The following KRT82 variants were observed in gnomAD, a reference collection of about 807,000 sequenced individuals.
The protein encoded by KRT82 is keratin 82, also known as keratin, type II cuticular Hb2.
Under a neutral mutation model 48.0 loss-of-function variants are expected in KRT82, and 44 were observed. The observed-to-expected ratio is 0.92, with a 90% CI of 0.72 to 1.18. The LOEUF (loss-of-function observed/expected upper bound fraction) is 1.18, where lower values mean the gene tolerates loss of function less well. Ranked by LOEUF, KRT82 falls within the 50% of genes most tolerant of loss-of-function variation. The probability of loss-of-function intolerance (pLI) is 0.00; values close to 1 mark genes in which losing one functional copy is unlikely to be tolerated. For missense variants in KRT82, 701 were observed against 671.4 expected (o/e 1.04, Z -0.49); for synonymous variants, 297 against 278.3 (o/e 1.07, Z -0.67).
At chr12:52,397,471 A>T (rs1422262378) in intron 5 of KRT82, among the ~76,000 whole-genome samples, 1 of 150,118 alleles carries the variant, frequency 6.7e-6, no homozygotes, top group African/African-American at 2.4e-5. Flanking sequence ...AAAAACAATA[A>T]AAAAAACAAA....
intron 5 of KRT82, among the ~76,000 whole-genome samples, chr12:52,398,024 C>T (rs1939737309): frequency 6.6e-6 from 1 of 152,084 alleles, no homozygotes; most frequent in African/African-American, 2.4e-5. Context: ...GCACTCTAGC[C>T]TGGGCAATAG....
chr12:52,394,912 G>T lies in KRT82; in HGVS notation c.*63C>A. Reference sequence around the variant, plus strand: ...TGGAACATCCTTGTCTTCAGCCCTGGTGGGAGTGTGACATCCAGGGCCATG... The same window carrying T: ...TGGAACATCCTTGTCTTCAGCCCTGTTGGGAGTGTGACATCCAGGGCCATG... On this transcript the variant is annotated 3_prime_UTR_variant, in exon 9 of 9. Transcript: ENST00000257974. 1.4e-6 allele frequency: 2 copies of T among 1,380,170 alleles called. No homozygotes were observed. Among genetic ancestry groups the T allele is most frequent in the Non-Finnish European group, 2.1e-6 (2 of 970,096 alleles). The allele number at this position is 1,380,170 out of a possible 1,614,324, so 85.5% of individuals were successfully genotyped here.
At chr12:52,395,525 T>C (rs887754684) in intron 8 of KRT82, among the ~76,000 whole-genome samples, 1 of 152,184 alleles carries the variant, frequency 6.6e-6, no homozygotes, top group Non-Finnish European at 1.5e-5. Context: ...TGGTTATTTG[T>C]GGCTTCTGGG....
At position 52,395,054 on chromosome 12, in the gene KRT82, C is replaced by T. The variant is rs1162132514; in HGVS notation, c.1463G>A (p.Gly488Glu). The T allele has an allele frequency of 1.2e-6, 2 of 1,614,004 alleles. No individual in the cohort carries two copies. The highest frequency in any genetic ancestry group is 1.7e-6 in the Non-Finnish European group (2 of 1,179,984). The change falls in exon 9 of 9, where the codon GGG (glycine) becomes GAG (glutamate). Residue 488 changes from glycine to glutamate, a missense_variant. Coordinates refer to ENST00000257974, the MANE Select transcript of KRT82 (RefSeq NM_033033.4). ...GELYVPCEPQ[G>E]LLSCGSGRKS... Reference sequence around the variant, plus strand: ...CCGCCCGCTCCCACAGCTCAGTAGCCCCTGGGGCTCGCAGGGGACATAGAG... The same window carrying T: ...CCGCCCGCTCCCACAGCTCAGTAGCTCCTGGGGCTCGCAGGGGACATAGAG...
At chr12:52,403,522 T>C (rs2121482562) in intron 2 of KRT82, among the ~76,000 whole-genome samples, 179 bp downstream of exon 2, 1 of 152,260 alleles carries the variant, frequency 6.6e-6, no homozygotes, top group East Asian at 1.9e-4. Context: ...CAATACACAG[T>C]CTCAGAGCTC....
chr12:52,397,616 T>C (rs1490368860), intron 5 of KRT82, among the ~76,000 whole-genome samples: 1 of 152,252 alleles, frequency 6.6e-6, no homozygotes, highest in Non-Finnish European at 1.5e-5. Flanking sequence ...GATTTTCTGA[T>C]AGTGAGTGGG....
At chr12:52,405,810 A>G in intron 1 of KRT82, 57 bp downstream of exon 1, 1 of 1,536,418 alleles carries the variant, frequency 6.5e-7, no homozygotes, top group Non-Finnish European at 8.8e-7. Context: ...CCAGAACAAG[A>G]CCAGACCCCA....
Position 52,401,200 on chromosome 12 carries a change from C to T in KRT82, c.681+89G>A, listed in dbSNP as rs1939785545. 10 of 1,072,182 alleles carry T rather than the reference C, an allele frequency of 9.3e-6. No homozygotes were observed. In the South Asian group the frequency reaches 1.1e-4, roughly 11 times the overall value. The allele number at this position is 1,072,182 out of a possible 1,614,324, so 66.4% of individuals were successfully genotyped here. On this transcript the variant is annotated intron_variant, in intron 3 of 8. Coordinates refer to ENST00000257974, the MANE Select transcript of KRT82 (RefSeq NM_033033.4). Reference sequence around the variant, plus strand: ...ACCCTTTTTCAGAGTGGGTGGGCTGCAGACACGTTTGGACTGAGTTCAGGG... The same window carrying T: ...ACCCTTTTTCAGAGTGGGTGGGCTGTAGACACGTTTGGACTGAGTTCAGGG...
chr12:52,399,693 G>C (rs1939760326), intron 5 of KRT82, among the ~76,000 whole-genome samples: 1 of 152,212 alleles, frequency 6.6e-6, no homozygotes, highest in African/African-American at 2.4e-5. Context: ...GCTGCCTACA[G>C]GAGCACTTCC....
intron 1 of KRT82, among the ~76,000 whole-genome samples, 179 bp from the exon 2 acceptor site, chr12:52,404,088 C>T (rs1424944930): frequency 6.6e-6 from 1 of 152,174 alleles, no homozygotes; most frequent in Non-Finnish European, 1.5e-5. Context: ...TCTGTGTCTC[C>T]CCTGCCTGGG....
At chr12:52,398,668 G>A (rs1342418964) in intron 5 of KRT82, among the ~76,000 whole-genome samples, 8 of 152,066 alleles carry the variant, frequency 5.3e-5, no homozygotes, top group Non-Finnish European at 7.4e-5. Flanking sequence ...AAACCTGGCC[G>A]TGGGTGGGTC....
At chr12:52,405,520 T>G (rs1939840330) in intron 1 of KRT82, among the ~76,000 whole-genome samples, 1 of 152,236 alleles carries the variant, frequency 6.6e-6, no homozygotes. Flanking sequence ...TGTTAAAGCC[T>G]CATCAGGAAG....
At chr12:52,403,971 G>C in intron 1 of KRT82, 62 bp from the exon 2 acceptor site, 1 of 1,501,808 alleles carries the variant, frequency 6.7e-7, no homozygotes, top group Non-Finnish European at 9.1e-7. Context: ...ACTTAGAGAG[G>C]GCAATGGAAT....
chr12:52,403,638 G>A, intron 2 of KRT82, 63 bp downstream of exon 2: 12 of 1,020,112 alleles, frequency 1.2e-5, no homozygotes, highest in Middle Eastern at 3.0e-4. Flanking sequence ...GGGAATCAGG[G>A]CCCAGACTGT....
intron 6 of KRT82, among the ~76,000 whole-genome samples, 181 bp from the exon 7 acceptor site, chr12:52,396,413 C>G (rs568999826): frequency 6.6e-6 from 1 of 152,186 alleles, no homozygotes; most frequent in African/African-American, 2.4e-5. Flanking sequence ...TAAAATACCT[C>G]CAAGAGAGCG....
chr12:52,400,202 A>G lies in KRT82; in HGVS notation c.778-53T>C, dbSNP rs1014054919. 8 of 1,565,160 alleles carry G rather than the reference A, an allele frequency of 5.1e-6. 1 individual carries two copies. Among genetic ancestry groups the G allele is most frequent in the South Asian group, 3.5e-5 (3 of 85,474 alleles). On this transcript the variant is annotated intron_variant, in intron 4 of 8. Coordinates refer to ENST00000257974, the MANE Select transcript of KRT82 (RefSeq NM_033033.4). ...GTGAGCTCTCTGAGCGTCCGGGGAC[A>G]GGAGAAGGGGAGAACCCGTTCTGAC...
At chr12:52,395,692 G>T in intron 8 of KRT82, 67 bp downstream of exon 8, 1 of 1,230,538 alleles carries the variant, frequency 8.1e-7, no homozygotes, top group Non-Finnish European at 1.2e-6. Flanking sequence ...GGTGGTGTGG[G>T]CTGCCTGTGT....
chr12:52,400,772 T>C (rs942839401), intron 3 of KRT82, 150 bp from the exon 4 acceptor site: 6 of 616,112 alleles, frequency 9.7e-6, no homozygotes, highest in Non-Finnish European at 1.7e-5. Flanking sequence ...AAGGGGTCCC[T>C]AGCCCTGGGA....
rs1008374840 is a variant in KRT82, at chr12:52,396,290, G to T, written c.1069-58C>A. The T allele has an allele frequency of 4.7e-5, 71 of 1,495,988 alleles. No homozygotes were observed. The South Asian group carries it at 7.6e-4, about 16-fold the overall frequency. 92.7% of individuals were successfully genotyped at this position (1,495,988 alleles called of 1,614,324 possible). On this transcript the variant is annotated intron_variant, in intron 6 of 8. Transcript: ENST00000257974. ...GGCCCTGGAGCCCCAAGCCAGACTC[G>T]CAGAAGAGCAGAGAGAACACGGGGG... is the stretch of plus-strand genomic sequence containing the variant.
Sources: allele counts gnomAD v4.1 joint callset (sites outside exome capture counted in the v4.1 genomes callset), GRCh38; gene constraint gnomAD v4.1.1; transcripts MANE v1.5; gene names NCBI Gene and HGNC (gene_info 2026-07-23, HGNC 2026-07-21).